The following UMAD1 variants were observed in gnomAD, a reference collection of about 807,000 sequenced individuals.
UMAD1 encodes the protein UBAP1-MVB12-associated (UMA)-domain containing protein 1.
Under a neutral mutation model 6.1 loss-of-function variants are expected in UMAD1, and 8 were observed. That is an observed-to-expected ratio of 1.30 (90% confidence interval 0.76 to 2.35). The LOEUF is 2.35. Among genes scored for constraint, UMAD1 ranks in the 30% most tolerant of loss-of-function variants. The pLI is 0.00. For missense variants in UMAD1, 130 were observed against 78.4 expected (o/e 1.66, Z -2.49); for synonymous variants, 56 against 31.4 (o/e 1.78, Z -2.61).
chr7:7,665,742 C>T (rs148552961), intron 1 of UMAD1, among the ~76,000 whole-genome samples: 1 of 152,076 alleles, frequency 6.6e-6, no homozygotes, highest in Non-Finnish European at 1.5e-5. Context: ...TTTCACTGTA[C>T]ACTAGTTTGT....
intron 2 of UMAD1, among the ~76,000 whole-genome samples, chr7:7,686,814 A>G (rs1017464579): frequency 2.6e-5 from 4 of 152,202 alleles, no homozygotes; most frequent in Non-Finnish European, 5.9e-5. Flanking sequence ...CCAATGGGAT[A>G]TAAGAAGAAA....
rs544141203 is a variant in UMAD1, at chr7:7,658,240, A to G, written c.-63-15069A>G. ...GACGATGGGGTTTTCTAAATATACA[A>G]TCATGTCATCTGCAAACAGAGACAA... On this transcript the variant is annotated intron_variant, in intron 1 of 3. Coordinates refer to ENST00000682710, the MANE Select transcript of UMAD1 (RefSeq NM_001302348.2). Among the ~76,000 whole-genome samples, 222 of 152,370 alleles carry G rather than the reference A, an allele frequency of 1.5e-3. 2 individuals are homozygous for G. Among genetic ancestry groups the G allele is most frequent in the Non-Finnish European group, 2.1e-3 (142 of 68,038 alleles).
intron 3 of UMAD1, among the ~76,000 whole-genome samples, chr7:7,812,317 C>T (rs1783035850): frequency 6.6e-6 from 1 of 152,178 alleles, no homozygotes; most frequent in Non-Finnish European, 1.5e-5. Context: ...TGTTGCTCAG[C>T]ACCAATTATT....
chr7:7,842,677 T>A (rs1219088284), intron 3 of UMAD1, among the ~76,000 whole-genome samples: 1 of 152,090 alleles, frequency 6.6e-6, no homozygotes, highest in Non-Finnish European at 1.5e-5. Flanking sequence ...TGAAGAAAGC[T>A]ATTATTAAAA....
At chr7:7,793,463 G>C (rs1380429406) in intron 2 of UMAD1, among the ~76,000 whole-genome samples, 3 of 152,138 alleles carry the variant, frequency 2.0e-5, no homozygotes, top group Non-Finnish European at 4.4e-5. Context: ...CTCCCAGAGG[G>C]TATTTGCATT....
rs1782995054 is a variant in UMAD1 at position 7,810,178 on chromosome 7, A to G, written c.156+8435A>G. 2.0e-5 allele frequency among the ~76,000 whole-genome samples: 3 copies of G among 151,254 alleles called. No homozygotes were observed. The South Asian group carries it at 6.3e-4, about 32-fold the overall frequency. On this transcript the variant is annotated intron_variant, in intron 3 of 3. Coordinates refer to ENST00000682710, the MANE Select transcript of UMAD1 (RefSeq NM_001302348.2). ...TAATTTAAAGCATCGGGGGGTTACA[A>G]AGATGATTATGAAACTCTTTACTCA...
intron 2 of UMAD1, among the ~76,000 whole-genome samples, chr7:7,696,840 C>CT (rs113254851): frequency 0.024 from 3,590 of 146,830 alleles, 143 homozygotes; most frequent in African/African-American, 0.084. Context: ...CTTTCTTCTT[C>CT]TTTTTTTTTT....
chr7:7,834,237 G>T (rs1783520949), intron 3 of UMAD1, among the ~76,000 whole-genome samples: 1 of 151,588 alleles, frequency 6.6e-6, no homozygotes, highest in African/African-American at 2.4e-5. Flanking sequence ...TGGCCAGGCT[G>T]GTCTCGAACT....
intron 2 of UMAD1, among the ~76,000 whole-genome samples, chr7:7,724,850 G>T (rs138067873): frequency 6.6e-6 from 1 of 152,120 alleles, no homozygotes; most frequent in African/African-American, 2.4e-5. Flanking sequence ...TCAGCTTCCT[G>T]TTCTACCTCA....
At chr7:7,738,203 T>C (rs1583787392) in intron 2 of UMAD1, among the ~76,000 whole-genome samples, 1 of 152,196 alleles carries the variant, frequency 6.6e-6, no homozygotes, top group Non-Finnish European at 1.5e-5. Flanking sequence ...AGTGTAGGCA[T>C]TGGAAGAATT....
intron 2 of UMAD1, among the ~76,000 whole-genome samples, chr7:7,675,857 G>T (rs1055694675): frequency 6.6e-6 from 1 of 152,186 alleles, no homozygotes; most frequent in South Asian, 2.1e-4. Flanking sequence ...GCCAGATGTT[G>T]GCTGAGGCCT....
chr7:7,868,456 G>A (rs148298435), intron 3 of UMAD1: 14 of 152,170 alleles, frequency 9.2e-5, no homozygotes, highest in Middle Eastern at 3.4e-3. Flanking sequence ...CGTTCAGCTG[G>A]AGTTCTGAAA....
At chr7:7,788,775 A>G (rs953205926) in intron 2 of UMAD1, among the ~76,000 whole-genome samples, 5 of 152,130 alleles carry the variant, frequency 3.3e-5, no homozygotes, top group Non-Finnish European at 7.3e-5. Flanking sequence ...CAAACACTTG[A>G]ATTTCATTTT....
chr7:7,676,098 G>A (rs1234301155), intron 2 of UMAD1: 15 of 398,362 alleles, frequency 3.8e-5, no homozygotes, highest in Admixed American at 8.8e-5. Flanking sequence ...TCCTTCTTCC[G>A]CAGAAGCATC....
chr7:7,871,747 G>C (rs1193118404), intron 3 of UMAD1, among the ~76,000 whole-genome samples: 3 of 151,792 alleles, frequency 2.0e-5, no homozygotes, highest in Non-Finnish European at 2.9e-5. Flanking sequence ...AGGATAACTT[G>C]AATGAGAAAG....
chr7:7,722,180 T>C (rs1474294517), intron 2 of UMAD1, among the ~76,000 whole-genome samples: 4 of 148,122 alleles, frequency 2.7e-5, no homozygotes, highest in Non-Finnish European at 5.9e-5. Context: ...TGTATATATA[T>C]GTATATCTAT....
At chr7:7,747,339 A>G (rs1486863617) in intron 2 of UMAD1, among the ~76,000 whole-genome samples, 1 of 152,200 alleles carries the variant, frequency 6.6e-6, no homozygotes, top group Non-Finnish European at 1.5e-5. Context: ...AACACTTGCT[A>G]TATCATAGAG....
chr7:7,796,744 A>G (rs1206810387), intron 2 of UMAD1, among the ~76,000 whole-genome samples: 1 of 151,484 alleles, frequency 6.6e-6, no homozygotes, highest in Non-Finnish European at 1.5e-5. Flanking sequence ...CAGTTTAAAG[A>G]CCCCCACAGA....
intron 3 of UMAD1, among the ~76,000 whole-genome samples, chr7:7,818,338 A>G (rs1167899050): frequency 6.6e-6 from 1 of 152,212 alleles, no homozygotes; most frequent in Non-Finnish European, 1.5e-5. Flanking sequence ...GCTACATAGT[A>G]TTCCATGGTT....
Sources: gnomAD v4.1 joint callset for allele counts (sites outside exome capture counted in the v4.1 genomes callset) on GRCh38, gnomAD v4.1.1 for gene constraint, MANE v1.5 for transcripts, NCBI Gene and HGNC (gene_info 2026-07-23, HGNC 2026-07-21) for gene names.